Variants in ARMC9 observed in about 807,000 individuals in gnomAD.
ARMC9 encodes lisH domain-containing protein ARMC9.
Under a neutral mutation model 107.0 loss-of-function variants are expected in ARMC9, and 94 were observed. The observed-to-expected ratio is 0.88, with a 90% CI of 0.74 to 1.04. The LOEUF (loss-of-function observed/expected upper bound fraction) is 1.04. Among genes scored for constraint, ARMC9 ranks in the 50% least tolerant of loss-of-function variants. ARMC9 has a pLI of 0.00. For synonymous variants in ARMC9, 380 were observed against 396.9 expected (o/e 0.96, Z 0.51); for missense variants, 942 against 1,030.1 (o/e 0.91, Z 1.17).
At chr2:231,274,523 G>C (rs962261384) in intron 14 of ARMC9, among the ~76,000 whole-genome samples, 1 of 152,182 alleles carries the variant, frequency 6.6e-6, no homozygotes, top group Non-Finnish European at 1.5e-5. Flanking sequence ...TCTTCGTGTG[G>C]ACATATGTTT....
chr2:231,217,980 AC>A (rs2033709095), intron 5 of ARMC9, among the ~76,000 whole-genome samples: 2 of 139,984 alleles, frequency 1.4e-5, no homozygotes, highest in East Asian at 3.9e-4. Context: ...GGCGTGAGCC[AC>A]CGCGCCTTGT....
intron 10 of ARMC9, 151 bp downstream of exon 10, chr2:231,256,771 C>T (rs1467996529): frequency 2.5e-6 from 2 of 797,226 alleles, no homozygotes; most frequent in African/African-American, 3.5e-5. Context: ...AATACGAGTA[C>T]TTATAAGTAA....
rs112510839 is a variant in ARMC9 at position 231,213,481 on chromosome 2, GTT to G, written c.178-1338_178-1337del. Among the ~76,000 whole-genome samples, 5 of 139,558 alleles carry G rather than the reference GTT, an allele frequency of 3.6e-5. No individual in the cohort carries two copies. The South Asian group carries it at 9.3e-4, about 26-fold the overall frequency. The allele number at this position is 139,558 out of a possible 152,430, so 91.6% of individuals were successfully genotyped here. A position where few individuals can be genotyped will look rare whatever the true frequency, so the allele number is the denominator to read the frequency against. On this transcript the variant is annotated intron_variant, in intron 3 of 24. Transcript: ENST00000611582. ...CCGGCCATGTAAACTCACTTTTTTG[GTT>G]TTTTTTTTTTTGAGATGGAGTCTCG...
intron 17 of ARMC9, among the ~76,000 whole-genome samples, chr2:231,286,630 C>T (rs1325497078): frequency 6.6e-6 from 1 of 152,024 alleles, no homozygotes; most frequent in Non-Finnish European, 1.5e-5. Flanking sequence ...ACAGGAATTG[C>T]TAATGAAATT....
intron 21 of ARMC9, among the ~76,000 whole-genome samples, chr2:231,350,477 C>T (rs2045013720): frequency 6.6e-6 from 1 of 151,790 alleles, no homozygotes. Context: ...AAACCTGAGG[C>T]CAGGCATGGT....
chr2:231,357,220 C>T (rs2045378818), intron 22 of ARMC9, among the ~76,000 whole-genome samples: 1 of 152,216 alleles, frequency 6.6e-6, no homozygotes, highest in Non-Finnish European at 1.5e-5. Flanking sequence ...TGGGCACCCA[C>T]CAGGACACTC....
chr2:231,345,168 T>C (rs2044749036), intron 21 of ARMC9, 78 bp downstream of exon 21: 6 of 1,560,444 alleles, frequency 3.8e-6, no homozygotes, highest in Non-Finnish European at 4.3e-6. Context: ...TATGTATTTT[T>C]AAAATTCAAA....
intron 23 of ARMC9, among the ~76,000 whole-genome samples, chr2:231,364,690 CG>C (rs2045738651): frequency 6.6e-6 from 1 of 151,882 alleles, no homozygotes; most frequent in Admixed American, 6.6e-5. Flanking sequence ...CCCAGCTACT[CG>C]GGAAGCTGAG....
intron 20 of ARMC9, among the ~76,000 whole-genome samples, chr2:231,344,140 A>G (rs1387014112): frequency 6.6e-6 from 1 of 152,140 alleles, no homozygotes; most frequent in Non-Finnish European, 1.5e-5. Context: ...TACGCTTTCC[A>G]TGTTTTGGAT....
At chr2:231,219,105 A>C (rs2033842415) in intron 5 of ARMC9, among the ~76,000 whole-genome samples, 1 of 151,660 alleles carries the variant, frequency 6.6e-6, no homozygotes, top group Non-Finnish European at 1.5e-5. Flanking sequence ...GGAACTCAGA[A>C]TGCATTAACT....
intron 21 of ARMC9, among the ~76,000 whole-genome samples, chr2:231,348,123 G>A (rs2044884940): frequency 6.6e-6 from 1 of 152,164 alleles, no homozygotes; most frequent in Admixed American, 6.5e-5. Flanking sequence ...GACATTACAT[G>A]GCAAAAAGGA....
intron 23 of ARMC9, among the ~76,000 whole-genome samples, chr2:231,366,932 C>G (rs1378053187): frequency 6.7e-6 from 1 of 150,316 alleles, no homozygotes; most frequent in Non-Finnish European, 1.5e-5. Context: ...CTCACTGCAA[C>G]CTCTGCCTCC....
At chr2:231,331,071 G>T (rs968364421) in intron 19 of ARMC9, among the ~76,000 whole-genome samples, 2 of 152,130 alleles carry the variant, frequency 1.3e-5, no homozygotes, top group Non-Finnish European at 2.9e-5. Flanking sequence ...GAGCCCAGGA[G>T]GTCAAGGGCA....
chr2:231,274,464 G>A (rs919607087), intron 14 of ARMC9, among the ~76,000 whole-genome samples: 1 of 152,180 alleles, frequency 6.6e-6, no homozygotes, highest in African/African-American at 2.4e-5. Flanking sequence ...TGAGTTGTTT[G>A]CATTTTTGGC....
At chr2:231,368,930 C>G (rs1042499052) in intron 23 of ARMC9, among the ~76,000 whole-genome samples, 2 of 151,988 alleles carry the variant, frequency 1.3e-5, no homozygotes, top group African/African-American at 4.8e-5. Context: ...GCCTATTTTT[C>G]TAATTATTAA....
intron 11 of ARMC9, among the ~76,000 whole-genome samples, 171 bp downstream of exon 11, chr2:231,259,273 C>T (rs2038120766): frequency 6.6e-6 from 1 of 152,156 alleles, no homozygotes; most frequent in African/African-American, 2.4e-5. Flanking sequence ...GCCTGGGCCT[C>T]CTTTTAGAAA....
chr2:231,352,722 A>G lies in ARMC9; in HGVS notation c.1995-3076A>G, dbSNP rs573501668. On this transcript the variant is annotated intron_variant, in intron 21 of 24. Transcript: ENST00000611582. ...AGATAGATAGATGATAGGTAGGTAG[A>G]TAGATGGATAGAAGATAGGTAGGTA... Among the ~76,000 whole-genome samples the G allele has an allele frequency of 1.5e-4, 23 of 151,462 alleles. No homozygotes were observed. The East Asian group carries it at 2.1e-3, about 14-fold the overall frequency.
At chr2:231,235,142 A>T (rs543058207) in intron 7 of ARMC9, 82 bp from the exon 8 acceptor site, 172 of 1,412,026 alleles carry the variant, frequency 1.2e-4, no homozygotes, top group South Asian at 4.8e-4. Context: ...GGCAATAAGT[A>T]TGGTAGTTCT....
chr2:231,277,600 G>C (rs1381502189), intron 15 of ARMC9, among the ~76,000 whole-genome samples: 1 of 141,630 alleles, frequency 7.1e-6, no homozygotes, highest in Non-Finnish European at 1.5e-5. Flanking sequence ...ACGCTCCATT[G>C]CCCAGGCTAG....
Sources: gnomAD v4.1 joint callset for allele counts (sites outside exome capture counted in the v4.1 genomes callset) on GRCh38, gnomAD v4.1.1 for gene constraint, MANE v1.5 for transcripts, NCBI Gene and HGNC (gene_info 2026-07-23, HGNC 2026-07-21) for gene names.